The following RARB variants were observed in gnomAD, a reference collection of about 807,000 sequenced individuals.
The protein encoded by RARB is HBV-activated protein.
A neutral mutation model predicts 51.9 loss-of-function variants in RARB; 17 were observed. The observed-to-expected ratio is 0.33, with a 90% CI of 0.22 to 0.49. The LOEUF is 0.49. Among genes scored for constraint, RARB ranks in the 20% least tolerant of loss-of-function variants. The pLI, the probability that RARB is intolerant of heterozygous loss-of-function variation, is 0.99. For synonymous variants in RARB, 215 were observed against 195.4 expected, an observed-to-expected ratio of 1.10 and a Z score of -0.84; for missense variants, 369 against 550.8, an observed-to-expected ratio of 0.67 and a Z score of 3.30.
intron 5 of RARB, among the ~76,000 whole-genome samples, chr3:25,585,916 G>A (rs1426182993): frequency 1.3e-5 from 2 of 152,192 alleles, no homozygotes; most frequent in African/African-American, 4.8e-5. Flanking sequence ...TCAACAGGTT[G>A]GGCAAGCTGA....
At chr3:24,921,900 G>C (rs1034382768) in intron 2 of RARB, among the ~76,000 whole-genome samples, 2 of 152,196 alleles carry the variant, frequency 1.3e-5, no homozygotes, top group African/African-American at 4.8e-5. Context: ...AGCAATTCAT[G>C]AATTTGCTGA....
At chr3:25,283,394 G>A (rs951658573) in intron 5 of RARB, among the ~76,000 whole-genome samples, 4 of 152,140 alleles carry the variant, frequency 2.6e-5, no homozygotes, top group African/African-American at 9.7e-5. Flanking sequence ...GTCCACTTAG[G>A]TTGCAGAACA....
intron 3 of RARB, among the ~76,000 whole-genome samples, chr3:25,082,306 A>G (rs1699023168): frequency 6.6e-6 from 1 of 151,936 alleles, no homozygotes; most frequent in African/African-American, 2.4e-5. Context: ...ATTTGTTTAC[A>G]TTTCTCCCAT....
chr3:25,183,207 A>G (rs553872816), intron 5 of RARB, among the ~76,000 whole-genome samples: 1 of 152,290 alleles, frequency 6.6e-6, no homozygotes, highest in East Asian at 1.9e-4. Flanking sequence ...TGTCCTTATA[A>G]TGACTTTCTT....
intron 5 of RARB, among the ~76,000 whole-genome samples, chr3:25,265,529 G>C (rs1042082398): frequency 2.6e-5 from 4 of 152,156 alleles, no homozygotes; most frequent in African/African-American, 7.2e-5. Context: ...CTGCAGTGCA[G>C]TGGTGCAACC....
At chr3:24,998,185 A>C (rs965336683) in intron 2 of RARB, among the ~76,000 whole-genome samples, 2 of 151,630 alleles carry the variant, frequency 1.3e-5, no homozygotes, top group African/African-American at 2.4e-5. Context: ...GGACTCTATT[A>C]GATTATTGTA....
In RARB at chr3:25,322,143, G is replaced by A. The variant is rs79811712; in HGVS notation, c.179-139050G>A. Among the ~76,000 whole-genome samples the A allele has an allele frequency of 6.7e-3, 933 of 138,438 alleles. 7 individuals carry two copies. Among genetic ancestry groups the A allele is most frequent in the Middle Eastern group, 0.035 (8 of 226 alleles). The allele number at this position is 138,438 out of a possible 152,430, so 90.8% of individuals were successfully genotyped here. ...TGGGTCTGGAGGTATTCCCAAATACGTATGGAAATTTGGTATATGAGGTGG... is the reference window on the plus strand; with the variant it reads ...TGGGTCTGGAGGTATTCCCAAATACATATGGAAATTTGGTATATGAGGTGG... On this transcript the variant is annotated intron_variant, in intron 5 of 11. Coordinates refer to the RARB transcript ENST00000383772.
At chr3:25,430,025 G>A (rs1197400967) in intron 1 of RARB, among the ~76,000 whole-genome samples, 1 of 152,128 alleles carries the variant, frequency 6.6e-6, no homozygotes, top group East Asian at 1.9e-4. Context: ...AGGGGAGAGG[G>A]GACAATGACA....
intron 5 of RARB, among the ~76,000 whole-genome samples, chr3:25,200,155 G>T (rs1202934754): frequency 6.6e-6 from 1 of 152,114 alleles, no homozygotes; most frequent in African/African-American, 2.4e-5. Flanking sequence ...GTGTGAGATG[G>T]TATCTCACTG....
intron 4 of RARB, among the ~76,000 whole-genome samples, chr3:25,142,768 A>G (rs1221296596): frequency 6.6e-6 from 1 of 152,042 alleles, no homozygotes; most frequent in Non-Finnish European, 1.5e-5. Flanking sequence ...GCAGTCAGCA[A>G]ATGGGCTGCA....
chr3:25,218,212 C>T (rs1701874861), intron 5 of RARB, among the ~76,000 whole-genome samples: 1 of 152,100 alleles, frequency 6.6e-6, no homozygotes, highest in African/African-American at 2.4e-5. Context: ...TTTTATCTAG[C>T]TTGAAGGACT....
intron 1 of RARB, among the ~76,000 whole-genome samples, chr3:25,454,610 C>T (rs1343301676): frequency 6.6e-6 from 1 of 152,102 alleles, no homozygotes; most frequent in Non-Finnish European, 1.5e-5. Flanking sequence ...GCCTGCCTGC[C>T]TGTAATCAGG....
At chr3:24,859,350 G>A (rs112253705) in intron 2 of RARB, among the ~76,000 whole-genome samples, 21 of 152,106 alleles carry the variant, frequency 1.4e-4, no homozygotes, top group African/African-American at 4.3e-4. Context: ...GTGGAACTTC[G>A]TTTTACAGCC....
intron 3 of RARB, among the ~76,000 whole-genome samples, chr3:25,509,601 G>C (rs998590089): frequency 2.6e-5 from 4 of 152,126 alleles, no homozygotes; most frequent in Admixed American, 1.3e-4. Flanking sequence ...CTTAAACCGG[G>C]AGCCAGGTGG....
chr3:25,145,616 C>T (rs1700175810), intron 4 of RARB, among the ~76,000 whole-genome samples: 1 of 152,150 alleles, frequency 6.6e-6, no homozygotes, highest in Admixed American at 6.5e-5. Flanking sequence ...AGGGAAAAGG[C>T]AAGTGCTTGC....
intron 2 of RARB, among the ~76,000 whole-genome samples, chr3:24,871,334 C>T (rs1378380663): frequency 6.6e-6 from 1 of 152,100 alleles, no homozygotes; most frequent in Non-Finnish European, 1.5e-5. Context: ...GATGGTCAAT[C>T]AAATGGTCAA....
At chr3:25,444,988 C>T (rs111681817) in intron 1 of RARB, among the ~76,000 whole-genome samples, 1,723 of 152,014 alleles carry the variant, frequency 0.011, 31 homozygotes, top group African/African-American at 0.034. Flanking sequence ...CTTGCTCTGT[C>T]GCCCAGGCTG....
At chr3:25,398,818 CTAA>C (rs1338874778) in intron 5 of RARB, among the ~76,000 whole-genome samples, 1 of 152,014 alleles carries the variant, frequency 6.6e-6, no homozygotes, top group East Asian at 1.9e-4. Context: ...TATAAATGTT[CTAA>C]TGTTATAAAA....
chr3:25,580,449 G>A, intron 4 of RARB, 97 bp from the exon 5 acceptor site: 1 of 1,211,062 alleles, frequency 8.3e-7, no homozygotes, highest in Non-Finnish European at 1.1e-6. Flanking sequence ...GCTCAAGGCT[G>A]ACATGTCACC....
Sources: gnomAD v4.1 joint callset for allele counts (sites outside exome capture counted in the v4.1 genomes callset) on GRCh38, gnomAD v4.1.1 for gene constraint, MANE v1.5 for transcripts, NCBI Gene and HGNC (gene_info 2026-07-23, HGNC 2026-07-21) for gene names.